FBXW7: variants seen among roughly 807,000 people sequenced by gnomAD.
FBXW7 encodes the protein F-box and WD repeat domain containing 7.
FBXW7 carries 11 observed loss-of-function variants against 86.3 expected under a neutral mutation model. That is an observed-to-expected ratio of 0.13 (90% confidence interval 0.08 to 0.21). The LOEUF (loss-of-function observed/expected upper bound fraction) is 0.21. FBXW7 is among the 10% of genes least tolerant of loss of function. FBXW7 has a pLI of 1.00. For synonymous variants in FBXW7, 313 were observed against 297.9 expected (o/e 1.05, Z -0.52); for missense variants, 488 against 847.4 (o/e 0.58, Z 5.27).
chr4:152,449,815 A>T (rs1741744073), intron 2 of FBXW7, among the ~76,000 whole-genome samples: 1 of 152,238 alleles, frequency 6.6e-6, no homozygotes, highest in East Asian at 1.9e-4. Flanking sequence ...ATTAATCCAC[A>T]TTACAATTTC....
chr4:152,513,463 G>T (rs746598592), intron 2 of FBXW7, among the ~76,000 whole-genome samples: 46 of 152,034 alleles, frequency 3.0e-4, no homozygotes, highest in Non-Finnish European at 2.9e-4. Flanking sequence ...CCGAGAAAAA[G>T]AATACATAAA....
chr4:152,479,110 T>C (rs1744658160), intron 2 of FBXW7, among the ~76,000 whole-genome samples: 2 of 152,140 alleles, frequency 1.3e-5, no homozygotes, highest in South Asian at 4.1e-4. Context: ...ATAGTGAATG[T>C]CCTTCCAAGC....
At chr4:152,381,504 T>G (rs935197767) in intron 4 of FBXW7, among the ~76,000 whole-genome samples, 4 of 152,038 alleles carry the variant, frequency 2.6e-5, no homozygotes, top group African/African-American at 9.7e-5. Context: ...GCAATTTAAA[T>G]TAACTCAGGA....
At chr4:152,359,360 GGAGGCC>G (rs983983197) in intron 4 of FBXW7, among the ~76,000 whole-genome samples, 7 of 152,090 alleles carry the variant, frequency 4.6e-5, no homozygotes, top group African/African-American at 1.7e-4. Flanking sequence ...CAGAGCTTTG[GGAGGCC>G]GAGGCAGGAG....
At chr4:152,434,949 T>C (rs934947671) in intron 2 of FBXW7, among the ~76,000 whole-genome samples, 34 of 110,590 alleles carry the variant, frequency 3.1e-4, no homozygotes, top group African/African-American at 1.8e-3. Flanking sequence ...CAACCTCCTT[T>C]CCCCCCGCTC....
At chr4:152,352,729 A>AAGC in intron 4 of FBXW7, 1 of 1,613,530 alleles carries the variant, frequency 6.2e-7, no homozygotes, top group East Asian at 2.2e-5. Flanking sequence ...CGGGACACAC[A>AAGC]TACATACATG....
intron 4 of FBXW7, among the ~76,000 whole-genome samples, chr4:152,405,619 G>A (rs768742316): frequency 2.0e-5 from 3 of 152,184 alleles, no homozygotes; most frequent in Non-Finnish European, 2.9e-5. Context: ...TGTCAAGGAC[G>A]TGGCGTTATA....
At chr4:152,384,177 T>C (rs970146209) in intron 4 of FBXW7, among the ~76,000 whole-genome samples, 30 of 152,144 alleles carry the variant, frequency 2.0e-4, no homozygotes, top group African/African-American at 6.8e-4. Flanking sequence ...TTTCCACTTC[T>C]GAGTATATAC....
intron 2 of FBXW7, among the ~76,000 whole-genome samples, chr4:152,487,137 T>C (rs898880038): frequency 6.6e-6 from 1 of 152,078 alleles, no homozygotes; most frequent in African/African-American, 2.4e-5. Flanking sequence ...ATAATAGATG[T>C]AGAAAATCAT....
intron 2 of FBXW7, among the ~76,000 whole-genome samples, chr4:152,525,394 T>C (rs200038735): frequency 1.3e-5 from 2 of 152,220 alleles, no homozygotes; most frequent in Admixed American, 6.5e-5. Context: ...GCTGTACTTA[T>C]TATTTCAACA....
At chr4:152,347,111 G>T in intron 5 of FBXW7, 40 bp from the exon 6 acceptor site, 1 of 1,555,650 alleles carries the variant, frequency 6.4e-7, no homozygotes, top group South Asian at 1.2e-5. Flanking sequence ...AGGATAAAAG[G>T]AAAAAAACAA....
At chr4:152,456,961 C>G (rs1307724248) in intron 2 of FBXW7, among the ~76,000 whole-genome samples, 1 of 152,104 alleles carries the variant, frequency 6.6e-6, no homozygotes, top group African/African-American at 2.4e-5. Flanking sequence ...ATAACCCAAT[C>G]CAGCAATAAC....
At position 152,536,063 on chromosome 4, in the gene FBXW7, T is replaced by C. The variant is rs1750543532; in HGVS notation, c.-1149A>G. 6.3e-5 allele frequency: 11 copies of C among 175,844 alleles called. 2 individuals are homozygous for C. The South Asian group carries it at 1.2e-3, about 19-fold the overall frequency. 10.9% of individuals were successfully genotyped at this position (175,844 alleles called of 1,614,324 possible). A position where few individuals can be genotyped will look rare whatever the true frequency, so the allele number is the denominator to read the frequency against. On this transcript the variant is annotated 5_prime_UTR_variant, in exon 1 of 14. Transcript: ENST00000281708. ...GCTCAGCTCGCTGTCTCCCTCGCTC[T>C]GTGCGGGGCTCTCGCCTCACTCCAG...
chr4:152,409,649 T>G (rs1737746622), intron 4 of FBXW7, among the ~76,000 whole-genome samples: 1 of 152,174 alleles, frequency 6.6e-6, no homozygotes, highest in Non-Finnish European at 1.5e-5. Flanking sequence ...CATGCCATAC[T>G]TACGAAGGCA....
chr4:152,414,515 G>A (rs1738258198), intron 2 of FBXW7, among the ~76,000 whole-genome samples: 1 of 152,122 alleles, frequency 6.6e-6, no homozygotes, highest in African/African-American at 2.4e-5. Flanking sequence ...GGCTGTGAAA[G>A]TGACTGTGTT....
At chr4:152,365,568 C>A (rs1243954061) in intron 4 of FBXW7, among the ~76,000 whole-genome samples, 1 of 152,020 alleles carries the variant, frequency 6.6e-6, no homozygotes, top group African/African-American at 2.4e-5. Flanking sequence ...TCATGCATGG[C>A]AAGTAAAAAA....
At chr4:152,334,839 A>C (rs1371132232) in intron 7 of FBXW7, among the ~76,000 whole-genome samples, 1 of 152,262 alleles carries the variant, frequency 6.6e-6, no homozygotes, top group Non-Finnish European at 1.5e-5. Context: ...ACTTCGACTT[A>C]TTAAATGTTT....
rs1481738853 is a variant in FBXW7 at position 152,444,128 on chromosome 4, C to G, written c.-119-31599G>C. Among the ~76,000 whole-genome samples, 3 of 152,264 alleles carry G rather than the reference C, an allele frequency of 2.0e-5. No individual in the cohort carries two copies. The East Asian group carries it at 5.8e-4, about 29-fold the overall frequency. ...TACACTACATGAAAATGCTGATATT[C>G]TACTACTCTTGACCTACAAAAACGG... is the stretch of plus-strand genomic sequence containing the variant. On this transcript the variant is annotated intron_variant, in intron 2 of 13. Coordinates refer to ENST00000281708, the MANE Select transcript of FBXW7 (RefSeq NM_001349798.2).
chr4:152,343,590 GC>G (rs1172440423), intron 6 of FBXW7, among the ~76,000 whole-genome samples: 8 of 152,094 alleles, frequency 5.3e-5, no homozygotes, highest in Non-Finnish European at 1.2e-4. Flanking sequence ...TGTCATTTGT[GC>G]TATTCTCAAG....
Sources: allele counts gnomAD v4.1 joint callset (sites outside exome capture counted in the v4.1 genomes callset), GRCh38; gene constraint gnomAD v4.1.1; transcripts MANE v1.5; gene names NCBI Gene and HGNC (gene_info 2026-07-23, HGNC 2026-07-21).